Variants in LSAMP observed in about 807,000 individuals in gnomAD.
The protein encoded by LSAMP is limbic system associated membrane protein, also known as limbic system-associated membrane protein.
In LSAMP, 7 loss-of-function variants were observed where a neutral mutation model predicts 38.6. The ratio of observed to expected loss-of-function variants is 0.18; its 90% CI spans 0.10 to 0.34. The LOEUF (loss-of-function observed/expected upper bound fraction) is 0.34. LSAMP is among the 10% of genes least tolerant of loss of function. The pLI is 1.00. For missense variants in LSAMP, 313 were observed against 420.0 expected, an observed-to-expected ratio of 0.75 and a Z score of 2.23; for synonymous variants, 154 against 166.8, an observed-to-expected ratio of 0.92 and a Z score of 0.59.
At chr3:116,187,085 A>G (rs1372442668) in intron 1 of LSAMP, among the ~76,000 whole-genome samples, 1 of 152,160 alleles carries the variant, frequency 6.6e-6, no homozygotes, top group African/African-American at 2.4e-5. Flanking sequence ...TAGTTCTTCT[A>G]AATTAAATGT....
At chr3:116,110,811 C>A (rs555004498) in intron 1 of LSAMP, among the ~76,000 whole-genome samples, 1 of 152,224 alleles carries the variant, frequency 6.6e-6, no homozygotes, top group Non-Finnish European at 1.5e-5. Context: ...TCATGCGCGT[C>A]CGTGTGAAGA....
intron 1 of LSAMP, among the ~76,000 whole-genome samples, chr3:116,236,807 A>G (rs2046470263): frequency 6.6e-6 from 1 of 152,076 alleles, no homozygotes; most frequent in Admixed American, 6.6e-5. Context: ...AGAAATATTC[A>G]GACATATTCC....
chr3:116,227,790 C>T (rs1330775813), intron 1 of LSAMP, among the ~76,000 whole-genome samples: 1 of 152,072 alleles, frequency 6.6e-6, no homozygotes, highest in African/African-American at 2.4e-5. Context: ...AATTGATTCA[C>T]ATTTTAAATG....
intron 1 of LSAMP, among the ~76,000 whole-genome samples, chr3:116,293,143 T>G (rs183074152): frequency 6.6e-6 from 1 of 152,178 alleles, no homozygotes; most frequent in Non-Finnish European, 1.5e-5. Context: ...CTCTTTTGGA[T>G]GTCCAATGTT....
intron 1 of LSAMP, among the ~76,000 whole-genome samples, chr3:116,383,090 G>T (rs2107803713): frequency 6.6e-6 from 1 of 152,182 alleles, no homozygotes; most frequent in South Asian, 2.1e-4. Context: ...GTGCTATATT[G>T]ATCCAAAGCA....
intron 1 of LSAMP, among the ~76,000 whole-genome samples, chr3:116,256,231 C>T (rs148061398): frequency 2.6e-5 from 4 of 152,270 alleles, no homozygotes; most frequent in South Asian, 4.1e-4. Context: ...TTTCCTGACA[C>T]GTTATAAAAC....
At chr3:115,949,848 A>G (rs796253671) in intron 3 of LSAMP, among the ~76,000 whole-genome samples, 8 of 152,282 alleles carry the variant, frequency 5.3e-5, no homozygotes, top group African/African-American at 1.9e-4. Context: ...TAGCAACAAA[A>G]TACTACTGAA....
At chr3:116,074,788 C>A (rs1015025300) in intron 2 of LSAMP, among the ~76,000 whole-genome samples, 10 of 149,264 alleles carry the variant, frequency 6.7e-5, no homozygotes, top group African/African-American at 2.5e-4. Flanking sequence ...TCCATGTGTC[C>A]TTTTGTAAAT....
At chr3:116,055,730 G>T (rs1339572969) in intron 2 of LSAMP, among the ~76,000 whole-genome samples, 1 of 152,158 alleles carries the variant, frequency 6.6e-6, no homozygotes, top group Non-Finnish European at 1.5e-5. Context: ...TGGAAGAAGT[G>T]AAGAGTGATT....
chr3:116,042,179 C>A (rs1941189518), intron 2 of LSAMP, among the ~76,000 whole-genome samples: 1 of 151,986 alleles, frequency 6.6e-6, no homozygotes, highest in South Asian at 2.1e-4. Flanking sequence ...TATCATGTTC[C>A]CACTATGATA....
At chr3:115,977,872 G>A (rs1939237289) in intron 3 of LSAMP, among the ~76,000 whole-genome samples, 1 of 152,024 alleles carries the variant, frequency 6.6e-6, no homozygotes, top group Non-Finnish European at 1.5e-5. Flanking sequence ...AGAAGACATA[G>A]TCTTTATGGC....
chr3:115,937,353 T>C (rs938554726), intron 3 of LSAMP, among the ~76,000 whole-genome samples: 1 of 152,096 alleles, frequency 6.6e-6, no homozygotes. Flanking sequence ...AGAAATGTAA[T>C]GTCTTGGCCA....
chr3:116,056,574 A>C (rs1035185788), intron 2 of LSAMP, among the ~76,000 whole-genome samples: 2 of 152,178 alleles, frequency 1.3e-5, no homozygotes, highest in Non-Finnish European at 2.9e-5. Flanking sequence ...TCTGGGAAAA[A>C]GACTAGTTCT....
At chr3:116,379,132 A>G (rs900939213) in intron 1 of LSAMP, among the ~76,000 whole-genome samples, 1 of 151,962 alleles carries the variant, frequency 6.6e-6, no homozygotes, top group Non-Finnish European at 1.5e-5. Flanking sequence ...TAAAGAAATA[A>G]CAGTCACTAT....
chr3:116,373,289 C>T (rs2048455010), intron 1 of LSAMP, among the ~76,000 whole-genome samples: 1 of 151,296 alleles, frequency 6.6e-6, no homozygotes, highest in African/African-American at 2.4e-5. Context: ...ATATTTCTGA[C>T]ATATGGTACA....
intron 1 of LSAMP, among the ~76,000 whole-genome samples, chr3:116,307,240 A>G (rs1406955583): frequency 6.6e-6 from 1 of 152,044 alleles, no homozygotes; most frequent in East Asian, 1.9e-4. Context: ...GAACACTATA[A>G]TAAGTAATTT....
At chr3:115,976,682 G>T (rs1405054173) in intron 3 of LSAMP, among the ~76,000 whole-genome samples, 1 of 152,174 alleles carries the variant, frequency 6.6e-6, no homozygotes, top group East Asian at 1.9e-4. Context: ...GTGGTGAGAG[G>T]TGATTGGATC....
intron 1 of LSAMP, among the ~76,000 whole-genome samples, chr3:116,399,835 T>G (rs2048815192): frequency 6.6e-6 from 1 of 152,170 alleles, no homozygotes. Context: ...CATAAACTTA[T>G]CCGAATTCTG....
intron 1 of LSAMP, among the ~76,000 whole-genome samples, chr3:116,425,458 G>A (rs550063535): frequency 4.6e-5 from 7 of 152,304 alleles, no homozygotes; most frequent in African/African-American, 1.7e-4. Context: ...AAATAGTACT[G>A]ATGCAAATAT....
Sources: gnomAD v4.1 joint callset for allele counts (sites outside exome capture counted in the v4.1 genomes callset) on GRCh38, gnomAD v4.1.1 for gene constraint, MANE v1.5 for transcripts, NCBI Gene and HGNC (gene_info 2026-07-23, HGNC 2026-07-21) for gene names.